Variants in SYNE2 observed in about 807,000 individuals in gnomAD.
The protein encoded by SYNE2 is spectrin repeat containing nuclear envelope protein 2, also known as nesprin-2.
In SYNE2, 431 loss-of-function variants were observed where a neutral mutation model predicts 856.3. The ratio of observed to expected loss-of-function variants is 0.50; its 90% CI spans 0.47 to 0.55. The LOEUF is 0.55. Ranked by LOEUF, SYNE2 falls within the 20% of genes least tolerant of loss-of-function variation. SYNE2 has a pLI of 0.00. For synonymous variants in SYNE2, 2,923 were observed against 2,872.3 expected (o/e 1.02, Z -0.56); for missense variants, 8,129 against 8,023.2 (o/e 1.01, Z -0.50).
chr14:64,209,407 A>G lies in SYNE2; in HGVS notation c.18390-21A>G, dbSNP rs757387069. 37 of 1,614,100 alleles carry G rather than the reference A, an allele frequency of 2.3e-5. No homozygotes were observed. The East Asian group carries it at 8.2e-4, about 36-fold the overall frequency. On this transcript the variant is annotated intron_variant, in intron 101 of 115. Coordinates refer to ENST00000555002, the MANE Select transcript of SYNE2 (RefSeq NM_182914.3). ...AGGCTTGGAGGGGATGGCTTGTGTTAAGTTGCTTTGCTCCCATCAGAATCG... is the reference window on the plus strand; with the variant it reads ...AGGCTTGGAGGGGATGGCTTGTGTTGAGTTGCTTTGCTCCCATCAGAATCG...
chr14:64,115,477 G>A (rs753725797), intron 66 of SYNE2, among the ~76,000 whole-genome samples: 61 of 152,304 alleles, frequency 4.0e-4, no homozygotes, highest in Admixed American at 8.5e-4. Context: ...CTGGGTCAGA[G>A]AGCGCCGAAG....
At position 64,167,291 on chromosome 14, in the gene SYNE2, G is replaced by T. The variant is rs1057519125; in HGVS notation, c.16664G>T (p.Ser5555Ile). 1.2e-6 allele frequency: 2 copies of T among 1,614,252 alleles called. No individual in the cohort carries two copies. The highest frequency in any genetic ancestry group is 1.7e-6 in the Non-Finnish European group (2 of 1,180,046). Residue 5555 changes from serine to isoleucine, a missense_variant, in exon 91 of 116, where the codon AGC (serine) becomes ATC (isoleucine). Ser to Ile is a moderately radical substitution (Grantham distance 142). This residue lies in a region of SYNE2 where 5,410 missense variants were observed against 5,284.8 expected (regional missense o/e 1.02). Coordinates refer to ENST00000555002, the MANE Select transcript of SYNE2 (RefSeq NM_182914.3). ...GATATTGAACATTTGAATGAAGTGA[G>T]CCTCAAGCTCCCACTTAGTGACGTA... is the stretch of plus-strand genomic sequence containing the variant. Reference protein sequence around the residue: ...SPDIEHLNEVSLKLPLSDVAV... With the variant: ...SPDIEHLNEVILKLPLSDVAV...
At chr14:64,020,239 G>T (rs371003380) in intron 35 of SYNE2, 146 bp downstream of exon 35, 4 of 648,574 alleles carry the variant, frequency 6.2e-6, no homozygotes, top group South Asian at 5.5e-5. Flanking sequence ...TATAACAGGG[G>T]TGTCCTGTCT....
chr14:63,995,015 T>G, intron 22 of SYNE2, 29 bp from the exon 23 acceptor site: 1 of 1,408,340 alleles, frequency 7.1e-7, no homozygotes, highest in Non-Finnish European at 9.8e-7. Flanking sequence ...GTTCTCATGG[T>G]TAATATATTC....
At chr14:63,999,777 C>T (rs2096740124) in intron 27 of SYNE2, among the ~76,000 whole-genome samples, 1 of 152,222 alleles carries the variant, frequency 6.6e-6, no homozygotes, top group Non-Finnish European at 1.5e-5. Context: ...GTTCCTACAA[C>T]ATCCTTCCAT....
At chr14:63,825,112 G>C (rs1199197593) in intron 1 of SYNE2, among the ~76,000 whole-genome samples, 1 of 151,990 alleles carries the variant, frequency 6.6e-6, no homozygotes, top group East Asian at 1.9e-4. Context: ...AAAAAAGTTA[G>C]GGACAGACAA....
At chr14:64,043,016 G>A (rs2097160224) in intron 45 of SYNE2, among the ~76,000 whole-genome samples, 1 of 152,196 alleles carries the variant, frequency 6.6e-6, no homozygotes, top group Non-Finnish European at 1.5e-5. Flanking sequence ...ATAGTGAAAT[G>A]TATAATAAGG....
At position 63,860,091 on chromosome 14, in the gene SYNE2, A is replaced by G. The variant is rs1406874180; in HGVS notation, c.-52+6948A>G. 2.6e-5 allele frequency among the ~76,000 whole-genome samples: 4 copies of G among 151,992 alleles called. No homozygotes were observed. The South Asian group carries it at 6.2e-4, about 24-fold the overall frequency. ...CTGCAACCTCTGCCTCTCTGGCCCA[A>G]GTGATCTGCCTGCTTTGGCCTCCCA... On this transcript the variant is annotated intron_variant, in intron 1 of 115. Transcript: ENST00000555002.
chr14:63,792,234 A>G (rs1887762778), intron 1 of SYNE2, among the ~76,000 whole-genome samples: 1 of 152,182 alleles, frequency 6.6e-6, no homozygotes, highest in Admixed American at 6.6e-5. Context: ...ATTCAAAGAT[A>G]TAATGTAAAT....
At chr14:64,091,075 T>C in intron 60 of SYNE2, 27 bp downstream of exon 60, 1 of 1,605,034 alleles carries the variant, frequency 6.2e-7, no homozygotes, top group Middle Eastern at 1.7e-4. Flanking sequence ...GACATCCAAC[T>C]TACTGGATGA....
intron 1 of SYNE2, among the ~76,000 whole-genome samples, chr14:63,902,699 T>C (rs1410669357): frequency 7.1e-4 from 108 of 151,872 alleles, no homozygotes; most frequent in Non-Finnish European, 4.4e-5. Flanking sequence ...TTTGTTTTTT[T>C]CTTTTTTTTT....
At chr14:63,801,090 A>G (rs990355918) in intron 1 of SYNE2, among the ~76,000 whole-genome samples, 2 of 152,204 alleles carry the variant, frequency 1.3e-5, no homozygotes, top group African/African-American at 4.8e-5. Context: ...TCTCTTTAGA[A>G]AATTGTTTTT....
At chr14:64,145,392 C>T (rs2098174357) in intron 83 of SYNE2, among the ~76,000 whole-genome samples, 1 of 151,750 alleles carries the variant, frequency 6.6e-6, no homozygotes, top group African/African-American at 2.4e-5. Context: ...CCTGTAATCC[C>T]TGCTACTAGG....
chr14:64,216,352 C>G lies in SYNE2; in HGVS notation c.19507C>G (p.Pro6503Ala), dbSNP rs753827351. The change falls in exon 108 of 116, where the codon CCC (proline) becomes GCC (alanine). Residue 6503 changes from proline to alanine, a missense_variant. Pro to Ala is a conservative substitution (Grantham distance 27, BLOSUM62 -1). This residue lies in a region of SYNE2 where 5,410 missense variants were observed against 5,284.8 expected (regional missense o/e 1.02). Coordinates refer to ENST00000555002, the MANE Select transcript of SYNE2 (RefSeq NM_182914.3). ...MEGDRNVPPV[P>A]PASSTPYKPP... ...AGGTGACAGGAATGTTCCACCTGTT[C>G]CCCCTGCGTCCAGCACCCCTTATAA... 1 of 1,614,086 alleles carries G rather than the reference C, an allele frequency of 6.2e-7. No homozygotes were observed. The highest frequency in any genetic ancestry group is 1.3e-5 in the African/African-American group (1 of 74,926).
chr14:63,920,706 A>G (rs999892391), intron 2 of SYNE2, among the ~76,000 whole-genome samples: 8 of 151,864 alleles, frequency 5.3e-5, no homozygotes, highest in African/African-American at 1.2e-4. Flanking sequence ...GTCCTGATGT[A>G]GAGGTGGCCG....
intron 71 of SYNE2, 149 bp downstream of exon 71, chr14:64,125,359 T>C: frequency 8.2e-7 from 1 of 1,213,958 alleles, no homozygotes; most frequent in Non-Finnish European, 1.2e-6. Flanking sequence ...GAATTGATCT[T>C]GCTTGCCAAC....
At chr14:64,219,123 T>A (rs1165144897) in intron 109 of SYNE2, 85 bp from the exon 110 acceptor site, 2 of 966,346 alleles carry the variant, frequency 2.1e-6, no homozygotes, top group Non-Finnish European at 3.0e-6. Flanking sequence ...TTTTTTTTTT[T>A]TAACCACCCT....
chr14:63,862,087 A>G (rs1281740902), intron 1 of SYNE2, among the ~76,000 whole-genome samples: 1 of 152,224 alleles, frequency 6.6e-6, no homozygotes, highest in Admixed American at 6.5e-5. Flanking sequence ...TCCTTAAATA[A>G]TTGGATTTTA....
rs57705252 is a variant in SYNE2, at chr14:63,941,814, G to T, written c.237+24G>T. On this transcript the variant is annotated intron_variant, in intron 4 of 115. Transcript: ENST00000555002. ...TGGTAAGATTTTTAAATGACACTGA[G>T]AAACTTTCTGTTGACTTAAAAAATA... is the stretch of plus-strand genomic sequence containing the variant. 1.9e-3 allele frequency: 3,021 copies of T among 1,612,650 alleles called. 54 individuals are homozygous for T. In the African/African-American group the frequency reaches 0.036, roughly 19 times the overall value.
Sources: allele counts gnomAD v4.1 joint callset (sites outside exome capture counted in the v4.1 genomes callset), GRCh38; gene constraint gnomAD v4.1.1; regional missense constraint gnomAD v4.1.1; transcripts MANE v1.5; gene names NCBI Gene and HGNC (gene_info 2026-07-23, HGNC 2026-07-21).